PPM1L: variants seen among roughly 807,000 people sequenced by gnomAD.
PPM1L encodes the protein protein phosphatase 1L.
Under a neutral mutation model 31.4 loss-of-function variants are expected in PPM1L, and 13 were observed. The observed-to-expected ratio is 0.41, with a 90% CI of 0.27 to 0.66. The LOEUF is 0.66. Among genes scored for constraint, PPM1L ranks in the 30% least tolerant of loss-of-function variants. The pLI is 0.29. For synonymous variants in PPM1L, 184 were observed against 175.4 expected, an observed-to-expected ratio of 1.05 and a Z score of -0.39; for missense variants, 326 against 453.7, an observed-to-expected ratio of 0.72 and a Z score of 2.56.
At chr3:160,798,606 A>C (rs1232338768) in intron 1 of PPM1L, among the ~76,000 whole-genome samples, 3 of 152,198 alleles carry the variant, frequency 2.0e-5, no homozygotes, top group Non-Finnish European at 4.4e-5. Flanking sequence ...GCTCAGAAAA[A>C]AAGATTTCTT....
chr3:160,821,459 A>G (rs551493811), intron 1 of PPM1L, among the ~76,000 whole-genome samples: 9 of 152,096 alleles, frequency 5.9e-5, no homozygotes, highest in Non-Finnish European at 1.2e-4. Context: ...TATTAGAATC[A>G]TTTTCTCTAA....
intron 2 of PPM1L, among the ~76,000 whole-genome samples, chr3:161,048,408 A>G (rs1391251484): frequency 1.3e-5 from 2 of 152,240 alleles, no homozygotes; most frequent in Non-Finnish European, 2.9e-5. Context: ...TAGAATGGCA[A>G]TCATTAAAAA....
At chr3:161,013,138 C>G (rs1161135598) in intron 2 of PPM1L, among the ~76,000 whole-genome samples, 1 of 152,194 alleles carries the variant, frequency 6.6e-6, no homozygotes, top group African/African-American at 2.4e-5. Flanking sequence ...TTAGATCTTT[C>G]CTGCTTTCTC....
At chr3:161,063,484 T>TG (rs1719634445) in intron 2 of PPM1L, among the ~76,000 whole-genome samples, 1 of 140,474 alleles carries the variant, frequency 7.1e-6, no homozygotes, top group African/African-American at 2.8e-5. Context: ...ATAGTTATTT[T>TG]AATTCTCTCT....
At position 160,882,054 on chromosome 3, in the gene PPM1L, A is replaced by AAAC. The variant is rs1341391026; in HGVS notation, c.400-79680_400-79679insCAA. On this transcript the variant is annotated intron_variant, in intron 1 of 3. Coordinates refer to ENST00000498165, the MANE Select transcript of PPM1L (RefSeq NM_139245.4). ...GGGCAGAGTGAGACTCTGTCTCAAA[A>AAAC]AAAAAAAAAAAGTATGTATTCCATA... 2.2e-5 allele frequency among the ~76,000 whole-genome samples: 3 copies of AAAC among 139,404 alleles called. No homozygotes were observed. In the Admixed American group the frequency reaches 2.3e-4, roughly 11 times the overall value. 91.5% of individuals were successfully genotyped at this position (139,404 alleles called of 152,430 possible).
At chr3:160,852,038 G>A (rs2108113920) in intron 1 of PPM1L, among the ~76,000 whole-genome samples, 1 of 152,314 alleles carries the variant, frequency 6.6e-6, no homozygotes, top group Non-Finnish European at 1.5e-5. Flanking sequence ...ACCATCAAGT[G>A]TAATTCAGCT....
chr3:160,809,259 C>A (rs1712735243), intron 1 of PPM1L, among the ~76,000 whole-genome samples: 1 of 152,136 alleles, frequency 6.6e-6, no homozygotes, highest in Non-Finnish European at 1.5e-5. Flanking sequence ...GCCATGATGG[C>A]AATTTTATAG....
intron 2 of PPM1L, among the ~76,000 whole-genome samples, chr3:161,023,124 AG>A (rs1377652991): frequency 3.0e-5 from 4 of 132,254 alleles, no homozygotes; most frequent in Non-Finnish European, 6.4e-5. Context: ...GTACATTATG[AG>A]GGTTTTTTTT....
intron 2 of PPM1L, among the ~76,000 whole-genome samples, chr3:161,007,886 A>G (rs1384410799): frequency 6.6e-6 from 1 of 152,154 alleles, no homozygotes; most frequent in Non-Finnish European, 1.5e-5. Flanking sequence ...GGGAGAAGAT[A>G]GAAGTAGAAA....
intron 2 of PPM1L, among the ~76,000 whole-genome samples, chr3:160,980,885 A>G (rs1254316323): frequency 1.3e-5 from 2 of 152,136 alleles, no homozygotes; most frequent in Non-Finnish European, 2.9e-5. Flanking sequence ...TCTACCAATG[A>G]TAGTCTTTCT....
At chr3:161,032,287 A>G (rs1219348843) in intron 2 of PPM1L, among the ~76,000 whole-genome samples, 2 of 152,224 alleles carry the variant, frequency 1.3e-5, no homozygotes. Flanking sequence ...TCTATCACTC[A>G]ATAGGTCACC....
chr3:160,785,821 A>G (rs1207346574), intron 1 of PPM1L, among the ~76,000 whole-genome samples: 12 of 147,142 alleles, frequency 8.2e-5, no homozygotes, highest in Non-Finnish European at 7.4e-5. Flanking sequence ...CTTACAAGAC[A>G]GCGGTGCACT....
At chr3:161,038,175 A>C (rs1718801804) in intron 2 of PPM1L, among the ~76,000 whole-genome samples, 1 of 144,796 alleles carries the variant, frequency 6.9e-6, no homozygotes, top group South Asian at 2.2e-4. Flanking sequence ...CGGAGCTTGC[A>C]GTGAGCCGAG....
chr3:160,834,426 A>G (rs1713627952), intron 1 of PPM1L, among the ~76,000 whole-genome samples: 14 of 147,810 alleles, frequency 9.5e-5, no homozygotes, highest in Admixed American at 9.4e-4. Flanking sequence ...TTTCTGTTCC[A>G]TTGGTCTATG....
chr3:160,833,726 C>T (rs1309352394), intron 1 of PPM1L, among the ~76,000 whole-genome samples: 1 of 151,814 alleles, frequency 6.6e-6, no homozygotes, highest in South Asian at 2.1e-4. Flanking sequence ...CTTTAGGTTT[C>T]CTGTTTGCTC....
At chr3:161,016,179 C>T (rs1297441201) in intron 2 of PPM1L, among the ~76,000 whole-genome samples, 1 of 152,142 alleles carries the variant, frequency 6.6e-6, no homozygotes, top group African/African-American at 2.4e-5. Context: ...TACTGCCGTT[C>T]TTTTGAGTGG....
At chr3:160,770,944 A>T (rs1450421463) in intron 1 of PPM1L, among the ~76,000 whole-genome samples, 1 of 152,220 alleles carries the variant, frequency 6.6e-6, no homozygotes, top group Non-Finnish European at 1.5e-5. Flanking sequence ...TATAAGAGAC[A>T]AAGTCATGTC....
chr3:160,843,446 A>ATATCTATATATATATATATC (rs1281638454), intron 1 of PPM1L, among the ~76,000 whole-genome samples: 1 of 109,802 alleles, frequency 9.1e-6, no homozygotes, highest in East Asian at 2.7e-4. Context: ...ATATATATAT[A>ATATCTATATATATATATATC]TATATATATA....
chr3:160,769,388 G>C (rs1051452892), intron 1 of PPM1L, among the ~76,000 whole-genome samples: 2 of 152,178 alleles, frequency 1.3e-5, no homozygotes, highest in African/African-American at 4.8e-5. Flanking sequence ...TCAGAAAAGA[G>C]TAAACCTTCT....
Sources: allele counts gnomAD v4.1 joint callset (sites outside exome capture counted in the v4.1 genomes callset), GRCh38; gene constraint gnomAD v4.1.1; transcripts MANE v1.5; gene names NCBI Gene and HGNC (gene_info 2026-07-23, HGNC 2026-07-21).